The following ANK1 variants were observed in gnomAD, a reference collection of about 807,000 sequenced individuals.
ANK1 encodes ankyrin-1.
A neutral mutation model predicts 210.4 loss-of-function variants in ANK1; 51 were observed. That is an observed-to-expected ratio of 0.24 (90% confidence interval 0.19 to 0.31). The LOEUF (loss-of-function observed/expected upper bound fraction) is 0.31. Ranked by LOEUF, ANK1 falls within the 10% of genes least tolerant of loss-of-function variation. The probability of loss-of-function intolerance (pLI) is 1.00; values close to 1 mark genes in which losing one functional copy is unlikely to be tolerated. For synonymous variants in ANK1, 967 were observed against 1,025.9 expected (o/e 0.94, Z 1.10); for missense variants, 2,051 against 2,504.4 (o/e 0.82, Z 3.86).
intron 6 of ANK1, 68 bp downstream of exon 6, chr8:41,725,693 C>T: frequency 1.3e-6 from 2 of 1,554,652 alleles, no homozygotes; most frequent in Non-Finnish European, 1.7e-6. Flanking sequence ...AGTCGCTGGG[C>T]GTGCGCGGTG....
chr8:41,715,183 A>T, intron 14 of ANK1, 109 bp from the exon 15 acceptor site: 1 of 1,033,620 alleles, frequency 9.7e-7, no homozygotes, highest in Non-Finnish European at 1.5e-6. Flanking sequence ...GAGGCCAATG[A>T]AAGCAAAGGC....
intron 1 of ANK1, among the ~76,000 whole-genome samples, chr8:41,827,158 C>T (rs1000096767): frequency 3.3e-5 from 5 of 152,238 alleles, no homozygotes; most frequent in East Asian, 1.9e-4. Context: ...ATTATTTGAG[C>T]TCCATATTCC....
intron 1 of ANK1, among the ~76,000 whole-genome samples, chr8:41,761,732 G>A (rs1241147696): frequency 6.6e-6 from 1 of 152,120 alleles, no homozygotes; most frequent in Non-Finnish European, 1.5e-5. Context: ...AAGACCAAAT[G>A]GAACTCTCAT....
At chr8:41,672,982 A>G in intron 37 of ANK1, 70 bp from the exon 38 acceptor site, 6 of 1,406,524 alleles carry the variant, frequency 4.3e-6, no homozygotes, top group Non-Finnish European at 5.8e-6. Flanking sequence ...GTGCAGGTCC[A>G]CGCACACGCA....
intron 4 of ANK1, among the ~76,000 whole-genome samples, 156 bp from the exon 5 acceptor site, chr8:41,727,504 G>C (rs527712555): frequency 6.6e-6 from 1 of 152,016 alleles, no homozygotes; most frequent in Non-Finnish European, 1.5e-5. Flanking sequence ...GGTGACTGGC[G>C]TCCTGGGATT....
At chr8:41,699,210 G>A (rs564915601) in intron 23 of ANK1, among the ~76,000 whole-genome samples, 41 of 152,194 alleles carry the variant, frequency 2.7e-4, no homozygotes, top group African/African-American at 9.9e-4. Context: ...CTGGGTGGGA[G>A]AGGAGGGGAG....
chr8:41,824,872 A>G (rs76971983), intron 1 of ANK1, among the ~76,000 whole-genome samples: 3,994 of 152,302 alleles, frequency 0.026, 161 homozygotes, highest in African/African-American at 0.087. Context: ...GGCTGGCTGC[A>G]GAGCTGGGGC....
intron 1 of ANK1, among the ~76,000 whole-genome samples, chr8:41,860,159 T>C (rs1012952510): frequency 1.3e-5 from 2 of 152,194 alleles, no homozygotes; most frequent in Admixed American, 6.5e-5. Context: ...GTGTGCTAGA[T>C]GGACATTTAA....
chr8:41,756,685 C>T (rs1027569830), intron 2 of ANK1, among the ~76,000 whole-genome samples: 23 of 152,262 alleles, frequency 1.5e-4, no homozygotes, highest in African/African-American at 5.5e-4. Context: ...TCAGGTGATC[C>T]GCCCACCTCA....
rs138550263 is a variant in ANK1 at position 41,813,368 on chromosome 8, A to C, written c.127-55231T>G. ...GAAATTCTGAAATGTTAGCTTGTAG[A>C]GTCATAGCCAGATATTAAGAAAATT... On this transcript the variant is annotated intron_variant, in intron 1 of 42. Transcript: ENST00000265709. 2.1e-3 allele frequency among the ~76,000 whole-genome samples: 314 copies of C among 152,302 alleles called. 2 individuals carry two copies. Among genetic ancestry groups the C allele is most frequent in the Middle Eastern group, 0.014 (4 of 294 alleles).
intron 38 of ANK1, among the ~76,000 whole-genome samples, chr8:41,669,965 C>T (rs1444507919): frequency 1.3e-5 from 2 of 152,056 alleles, no homozygotes; most frequent in Non-Finnish European, 2.9e-5. Context: ...CTGAGATGTC[C>T]TCACCCTCAC....
intron 39 of ANK1, among the ~76,000 whole-genome samples, 190 bp downstream of exon 39, chr8:41,668,077 G>A (rs1254816052): frequency 6.6e-6 from 1 of 152,260 alleles, no homozygotes; most frequent in Non-Finnish European, 1.5e-5. Context: ...AGGCGCCTTA[G>A]CAGGGATCCA....
chr8:41,655,026 C>CAG lies in ANK1; in HGVS notation c.*762_*763dup, dbSNP rs200287496. 6.4e-4 allele frequency: 97 copies of CAG among 152,592 alleles called. No homozygotes were observed. Among genetic ancestry groups the CAG allele is most frequent in the East Asian group, 1.9e-4 (1 of 5,172 alleles). The allele number at this position is 152,592 out of a possible 1,614,324, so 9.5% of individuals were successfully genotyped here. A position where few individuals can be genotyped will look rare whatever the true frequency, so the allele number is the denominator to read the frequency against. ...GGAAGATGATTCGTATTGAAATTGG[C>CAG]AGAGAGAGAGACAACATAAAAAATT... On this transcript the variant is annotated 3_prime_UTR_variant, in exon 43 of 43. Transcript: ENST00000289734.
rs533157505 is a variant in ANK1 at position 41,861,696 on chromosome 8, G to A, written c.126+34659C>T. On this transcript the variant is annotated intron_variant, in intron 1 of 42. Transcript: ENST00000265709. ...TGGCCAGGCCCACGCTAGGCACTGCGGCAGAAACGAGCGCAGGAGCGAACC... is the reference window on the plus strand; with the variant it reads ...TGGCCAGGCCCACGCTAGGCACTGCAGCAGAAACGAGCGCAGGAGCGAACC... Among the ~76,000 whole-genome samples the A allele has an allele frequency of 3.9e-5, 6 of 152,326 alleles. No homozygotes were observed. The South Asian group carries it at 8.3e-4, about 21-fold the overall frequency.
chr8:41,896,514 G>A, exon 1 of ANK1: 1 of 1,568,942 alleles, frequency 6.4e-7, no homozygotes, highest in Non-Finnish European at 8.6e-7. Context: ...CCGCCTCCTG[G>A]ACCCCTAGCG....
At chr8:41,759,440 A>G (rs1839933709) in intron 1 of ANK1, among the ~76,000 whole-genome samples, 1 of 152,154 alleles carries the variant, frequency 6.6e-6, no homozygotes, top group Non-Finnish European at 1.5e-5. Context: ...CGGGAGGTGG[A>G]GGTTGCAGTG....
At chr8:41,683,064 A>G (rs1037008164) in intron 37 of ANK1, among the ~76,000 whole-genome samples, 1 of 152,092 alleles carries the variant, frequency 6.6e-6, no homozygotes, top group Admixed American at 6.5e-5. Flanking sequence ...GCACACGCAC[A>G]CACATGAACA....
At chr8:41,703,422 GTATATATATATATA>G (rs57077078) in intron 20 of ANK1, among the ~76,000 whole-genome samples, 8 of 53,766 alleles carry the variant, frequency 1.5e-4, no homozygotes, top group South Asian at 7.0e-4. Context: ...GTGTGTGTGT[GTATATATATATATA>G]TATATATATA....
Position 41,693,133 on chromosome 8 carries a change from C to A in ANK1, c.3601G>T (p.Ala1201Ser), listed in dbSNP as rs139513895. The A allele has an allele frequency of 6.2e-7, 1 of 1,613,472 alleles. No homozygotes were observed. Among genetic ancestry groups the A allele is most frequent in the Non-Finnish European group, 8.5e-7 (1 of 1,179,514 alleles). The change falls in exon 30 of 43, where the codon GCC (alanine) becomes TCC (serine). Residue 1201 changes from alanine (A) to serine (S), a missense_variant. Physicochemically the swap from Ala to Ser is moderately conservative, Grantham distance 99. Transcript: ENST00000289734. ...TTKLVYANEC[A>S]NFTTNVSARF... Reference sequence around the variant, plus strand: ...GCAGAGACATTGGTGGTGAAGTTGGCGCACTCGTTGGCATATACAAGTTTG... The same window carrying A: ...GCAGAGACATTGGTGGTGAAGTTGGAGCACTCGTTGGCATATACAAGTTTG...
Sources: allele counts gnomAD v4.1 joint callset (sites outside exome capture counted in the v4.1 genomes callset), GRCh38; gene constraint gnomAD v4.1.1; transcripts MANE v1.5; gene names NCBI Gene and HGNC (gene_info 2026-07-23, HGNC 2026-07-21).